ABHD2: variants seen among roughly 807,000 people sequenced by gnomAD.
ABHD2 encodes monoacylglycerol lipase ABHD2.
Under a neutral mutation model 48.1 loss-of-function variants are expected in ABHD2, and 20 were observed. That is an observed-to-expected ratio of 0.42 (90% CI 0.29 to 0.60). ABHD2 has a LOEUF of 0.60. Among genes scored for constraint, ABHD2 ranks in the 20% least tolerant of loss-of-function variants. The pLI, the probability that ABHD2 is intolerant of heterozygous loss-of-function variation, is 0.24. For synonymous variants in ABHD2, 209 were observed against 214.2 expected, an observed-to-expected ratio of 0.98 and a Z score of 0.21; for missense variants, 405 against 550.9, an observed-to-expected ratio of 0.74 and a Z score of 2.65.
chr15:89,087,996 CCAGCTGAGCTACCAG>C (rs908050138), upstream of ABHD2: 1 of 152,228 alleles, frequency 6.6e-6, no homozygotes, highest in East Asian at 1.9e-4. This position sits in a 1 kb window ranked among gnomAD's most constrained non-coding sequence, Gnocchi z 5.5. Flanking sequence ...CATAAGAGCC[CCAGCTGAGCTACCAG>C]CAGCTGAGCT....
Position 89,151,913 on chromosome 15 carries a change from A to G in ABHD2, c.370+61A>G. On this transcript the variant is annotated intron_variant, in intron 4 of 10. Transcript: ENST00000352732. This position sits in a 1 kb window ranked among gnomAD's most constrained non-coding sequence, Gnocchi z 4.7. ...TCAGAGAAGGAGCACTAGTCAGTGG[A>G]GAGCACAGCAGTGTGAATACTTGTG... 6.4e-7 allele frequency: 1 copy of G among 1,562,892 alleles called. No individual in the cohort carries two copies. Among genetic ancestry groups the G allele is most frequent in the African/African-American group, 1.3e-5 (1 of 74,084 alleles).
chr15:89,054,338 A>G, the ABHD2 span, among the ~76,000 whole-genome samples: 3 of 149,164 alleles, frequency 2.0e-5, no homozygotes, highest in African/African-American at 7.4e-5. Flanking sequence ...AAAAAAAAGG[A>G]TTTTTAAAAA....
chr15:89,059,842 A>G, the ABHD2 span, among the ~76,000 whole-genome samples: 17 of 152,254 alleles, frequency 1.1e-4, no homozygotes, highest in Non-Finnish European at 2.1e-4. Context: ...TTCCTGCTGC[A>G]GGGTCCGTGG....
In ABHD2 at chr15:89,193,244, C is replaced by A; in HGVS notation, c.1006C>A (p.Pro336Thr). 6.2e-7 allele frequency: 1 copy of A among 1,614,060 alleles called. No individual in the cohort carries two copies. Among genetic ancestry groups the A allele is most frequent in the South Asian group, 1.1e-5 (1 of 91,084 alleles). Reference protein sequence around the residue: ...CMRYLHRIYVPLMLVNAADDP... With the variant: ...CMRYLHRIYVTLMLVNAADDP... Reference sequence around the variant, plus strand: ...TATGTTCTTGTTGCAGATTTATGTTCCTCTCATGCTGGTTAATGCAGCTGA... The same window carrying A: ...TATGTTCTTGTTGCAGATTTATGTTACTCTCATGCTGGTTAATGCAGCTGA... The change falls in exon 10 of 11, where the codon CCT becomes ACT. Residue 336 changes from proline to threonine, a missense_variant. Transcript: ENST00000352732.
chr15:89,136,090 CA>C (rs1188563554), intron 3 of ABHD2: 3 of 185,808 alleles, frequency 1.6e-5, no homozygotes, highest in African/African-American at 2.7e-5. Flanking sequence ...CCATGCCTGG[CA>C]ATTTTTTTTT....
intron 6 of ABHD2, chr15:89,183,368 C>CAAAAAAAAA (rs1233981139): frequency 1.5e-4 from 9 of 61,886 alleles, no homozygotes; most frequent in African/African-American, 4.5e-4. Context: ...CAGTCCTTTT[C>CAAAAAAAAA]AAAAAAAAAA....
the ABHD2 span, among the ~76,000 whole-genome samples, chr15:89,073,923 G>C: frequency 6.6e-6 from 1 of 152,142 alleles, no homozygotes; most frequent in Non-Finnish European, 1.5e-5. Context: ...AAAGCTCCCA[G>C]GTGTTTCCGA....
chr15:89,179,069 C>T lies in ABHD2; in HGVS notation c.722+3074C>T, dbSNP rs2051064480. Among the ~76,000 whole-genome samples the T allele has an allele frequency of 6.6e-6, 1 of 152,216 alleles. No individual in the cohort carries two copies. Among genetic ancestry groups the T allele is most frequent in the African/African-American group, 2.4e-5 (1 of 41,448 alleles). On this transcript the variant is annotated intron_variant, in intron 6 of 10. Coordinates refer to ENST00000352732, the MANE Select transcript of ABHD2 (RefSeq NM_152924.5). This position sits in a 1 kb window ranked among gnomAD's most constrained non-coding sequence, Gnocchi z 4.3. ...TGATATTTACAAAGCCACAAAGCAA[C>T]AAATACATGTTACTAAGATATTACA...
chr15:89,201,759 A>C lies in ABHD2; in HGVS notation c.*6336A>C, dbSNP rs113748815. ...GAGGTCTATGGGCGGGTCGAGGACC[A>C]GGATCTGCTCGTGCTTCGCCGTGGC... On this transcript the variant is annotated 3_prime_UTR_variant, in exon 11 of 11. Coordinates refer to ENST00000352732, the MANE Select transcript of ABHD2 (RefSeq NM_152924.5). The C allele has an allele frequency of 3.7e-3, 5,692 of 1,540,376 alleles. 171 individuals are homozygous for C. In the African/African-American group the frequency reaches 0.069, roughly 19 times the overall value.
intron 3 of ABHD2, chr15:89,135,758 G>T: frequency 1.0e-6 from 1 of 956,500 alleles, no homozygotes; most frequent in Non-Finnish European, 1.7e-6. Context: ...CCTGTCATCT[G>T]CAGCAATGTT....
At position 89,092,988 on chromosome 15, in the gene ABHD2, G is replaced by A; in HGVS notation, c.-107+4425G>A. On this transcript the variant is annotated intron_variant, in intron 1 of 10. Transcript: ENST00000352732. This position sits in a 1 kb window ranked among gnomAD's most constrained non-coding sequence, Gnocchi z 4.4. ...GGGAGGTGCAGGGGAGCTTCTAAAG[G>A]TCAGCTGAGAAGGGAGAGCTGGGGC... Among the ~76,000 whole-genome samples the A allele has an allele frequency of 6.6e-6, 1 of 152,034 alleles. No homozygotes were observed. Among genetic ancestry groups the A allele is most frequent in the Middle Eastern group, 3.2e-3 (1 of 316 alleles).
rs1438599318 is a variant in ABHD2 at position 89,195,108 on chromosome 15, A to G, written c.1082-119A>G. On this transcript the variant is annotated intron_variant, in intron 10 of 10. Coordinates refer to ENST00000352732, the MANE Select transcript of ABHD2 (RefSeq NM_152924.5). The surrounding 1 kb of genome is among the most constrained non-coding windows in gnomAD (Gnocchi z 5.1). ...ACAAGGCAGAGTGAGTAGAGGTTGG[A>G]TGCCCACTTAGGTGACCCTGCGGGG... is the stretch of plus-strand genomic sequence containing the variant. The G allele has an allele frequency of 1.4e-5, 15 of 1,107,460 alleles. No homozygotes were observed. The highest frequency in any genetic ancestry group is 1.9e-5 in the Non-Finnish European group (15 of 773,994). The allele number at this position is 1,107,460 out of a possible 1,614,324, so 68.6% of individuals were successfully genotyped here.
At chr15:89,126,327 C>A (rs931904498) in intron 3 of ABHD2, among the ~76,000 whole-genome samples, 1 of 152,192 alleles carries the variant, frequency 6.6e-6, no homozygotes, top group Admixed American at 6.5e-5. Flanking sequence ...TAACTTTTAG[C>A]TTACACCTCA....
In ABHD2 at chr15:89,197,797, C is replaced by T. The variant is rs1046840872; in HGVS notation, c.*2374C>T. The T allele has an allele frequency of 6.6e-6, 1 of 152,152 alleles. No homozygotes were observed. Among genetic ancestry groups the T allele is most frequent in the Non-Finnish European group, 1.5e-5 (1 of 68,034 alleles). The allele number at this position is 152,152 out of a possible 1,614,324, so 9.4% of individuals were successfully genotyped here. A position where few individuals can be genotyped will look rare whatever the true frequency, so the allele number is the denominator to read the frequency against. ...GTTGCCACACAACCGGAATTTGCTC[C>T]CCCAGGACTGTGGGAGCCAGTGTCC... On this transcript the variant is annotated 3_prime_UTR_variant, in exon 11 of 11. Transcript: ENST00000352732. This position sits in a 1 kb window ranked among gnomAD's most constrained non-coding sequence, Gnocchi z 4.4.
At chr15:89,187,917 C>T (rs910287907) in intron 7 of ABHD2, among the ~76,000 whole-genome samples, 3 of 152,194 alleles carry the variant, frequency 2.0e-5, no homozygotes, top group South Asian at 4.1e-4. Context: ...CCACAAGGCC[C>T]GTCTTGAGCC....
intron 5 of ABHD2, among the ~76,000 whole-genome samples, chr15:89,170,096 T>C (rs2050899337): frequency 8.2e-6 from 1 of 122,262 alleles, no homozygotes; most frequent in Non-Finnish European, 1.7e-5. Context: ...TTTTTTTTTT[T>C]TTTTTTTTTT....
Position 89,164,308 on chromosome 15 carries a change from A to C in ABHD2, c.538+8774A>C, listed in dbSNP as rs2050805023. 6.6e-6 allele frequency among the ~76,000 whole-genome samples: 1 copy of C among 152,214 alleles called. No homozygotes were observed. The highest frequency in any genetic ancestry group is 2.1e-4 in the South Asian group (1 of 4,836). ...AATATTTACCAACAGCAACCTTTTCACAGACAGGGACCAGATCTGCATTTC... is the reference window on the plus strand; with the variant it reads ...AATATTTACCAACAGCAACCTTTTCCCAGACAGGGACCAGATCTGCATTTC... On this transcript the variant is annotated intron_variant, in intron 5 of 10. Coordinates refer to ENST00000352732, the MANE Select transcript of ABHD2 (RefSeq NM_152924.5). The surrounding 1 kb of genome is among the most constrained non-coding windows in gnomAD (Gnocchi z 5.0).
At position 89,188,380 on chromosome 15, in the gene ABHD2, C is replaced by A. The variant is rs1305905743; in HGVS notation, c.926+77C>A. The A allele has an allele frequency of 1.5e-6, 2 of 1,315,464 alleles. No homozygotes were observed. The highest frequency in any genetic ancestry group is 1.4e-5 in the African/African-American group (1 of 68,996). The allele number at this position is 1,315,464 out of a possible 1,614,324, so 81.5% of individuals were successfully genotyped here. A position where few individuals can be genotyped will look rare whatever the true frequency, so the allele number is the denominator to read the frequency against. ...GAGGCTGCAGGTCAGCTGTGCCCAG[C>A]ACTAGTGTTTGCTCTGCCTACTTGA... On this transcript the variant is annotated intron_variant, in intron 8 of 10. Transcript: ENST00000352732. The surrounding 1 kb of genome is among the most constrained non-coding windows in gnomAD (Gnocchi z 4.1).
At chr15:89,118,318 G>A (rs1739496403) in intron 3 of ABHD2, among the ~76,000 whole-genome samples, 1 of 151,894 alleles carries the variant, frequency 6.6e-6, no homozygotes, top group African/African-American at 2.4e-5. Context: ...CCAGTAGCTG[G>A]GACTACGTGC....
Sources: gnomAD v4.1 joint callset for allele counts (sites outside exome capture counted in the v4.1 genomes callset) on GRCh38, gnomAD v4.1.1 for gene constraint, Gnocchi (gnomAD v3.1) non-coding constraint, MANE v1.5 for transcripts, NCBI Gene and HGNC (gene_info 2026-07-23, HGNC 2026-07-21) for gene names.